LYN: variants seen among roughly 807,000 people sequenced by gnomAD.
The protein encoded by LYN is LYN proto-oncogene, Src family tyrosine kinase.
LYN carries 12 observed loss-of-function variants against 65.0 expected under a neutral mutation model. That is an observed-to-expected ratio of 0.18 (90% confidence interval 0.12 to 0.30). LYN has a LOEUF of 0.30. Among genes scored for constraint, LYN ranks in the 10% least tolerant of loss-of-function variants. LYN has a pLI of 1.00. For missense variants in LYN, 380 were observed against 623.2 expected (o/e 0.61, Z 4.16); for synonymous variants, 222 against 221.2 (o/e 1.00, Z -0.03).
chr8:55,880,053 A>G lies in LYN; in HGVS notation c.-56A>G. ...CCGCCCCGTCGCGCCCCCCACTCTG[A>G]ACTCAAGTCACCGTGGAGCTCCGCC... On this transcript the variant is annotated 5_prime_UTR_variant, in exon 1 of 13. Transcript: ENST00000519728. 1 of 316,282 alleles carries G rather than the reference A, an allele frequency of 3.2e-6. No homozygotes were observed. The highest frequency in any genetic ancestry group is 2.3e-5 in the South Asian group (1 of 44,434). 19.6% of individuals were successfully genotyped at this position (316,282 alleles called of 1,614,324 possible). A position where few individuals can be genotyped will look rare whatever the true frequency, so the allele number is the denominator to read the frequency against.
rs557993682 is a variant in LYN at position 55,925,622 on chromosome 8, C to T, written c.-5-16233C>T. 4.6e-5 allele frequency among the ~76,000 whole-genome samples: 7 copies of T among 152,148 alleles called. No homozygotes were observed. The East Asian group carries it at 9.6e-4, about 21-fold the overall frequency. ...TCCACCACAGCCATGCGGGGATGGGCGTTATTATTACCTTTTTCATGGGTG... is the reference window on the plus strand; with the variant it reads ...TCCACCACAGCCATGCGGGGATGGGTGTTATTATTACCTTTTTCATGGGTG... On this transcript the variant is annotated intron_variant, in intron 1 of 12. Coordinates refer to ENST00000519728, the MANE Select transcript of LYN (RefSeq NM_002350.4).
intron 10 of LYN, among the ~76,000 whole-genome samples, chr8:55,972,247 C>T (rs1268538929): frequency 6.6e-6 from 1 of 152,170 alleles, no homozygotes; most frequent in Non-Finnish European, 1.5e-5. Flanking sequence ...AATTCATTTT[C>T]CTTACAACTA....
chr8:55,959,683 G>A (rs944862567), intron 8 of LYN, among the ~76,000 whole-genome samples: 2 of 151,944 alleles, frequency 1.3e-5, no homozygotes, highest in Non-Finnish European at 2.9e-5. Flanking sequence ...ATATGTCCAC[G>A]CAAAAACCTG....
Position 56,010,416 on chromosome 8 carries a change from C to T in LYN, c.*306C>T. ...CATCTATTCTCTCCAAAAATGCACC[C>T]AACTAGCTCTATGTTTACAAATGGA... On this transcript the variant is annotated 3_prime_UTR_variant, in exon 13 of 13. Coordinates refer to ENST00000519728, the MANE Select transcript of LYN (RefSeq NM_002350.4). 2.6e-6 allele frequency: 1 copy of T among 389,944 alleles called. No homozygotes were observed. Among genetic ancestry groups the T allele is most frequent in the Non-Finnish European group, 4.8e-6 (1 of 209,236 alleles). The allele number at this position is 389,944 out of a possible 1,614,324, so 24.2% of individuals were successfully genotyped here.
chr8:55,977,568 G>T (rs1390228263), intron 10 of LYN, among the ~76,000 whole-genome samples: 1 of 152,002 alleles, frequency 6.6e-6, no homozygotes, highest in Non-Finnish European at 1.5e-5. Context: ...TTAAAACTGA[G>T]ACCAGGAAGG....
rs531159958 is a variant in LYN, at chr8:55,887,870, G to A, written c.-6+7767G>A. On this transcript the variant is annotated intron_variant, in intron 1 of 12. Coordinates refer to ENST00000519728, the MANE Select transcript of LYN (RefSeq NM_002350.4). ...AGTTATCCGGCTGCCTCAGCCTCCC[G>A]AAATCCGGGGATTACAGGCATAAGT... Among the ~76,000 whole-genome samples the A allele has an allele frequency of 1.1e-4, 17 of 152,052 alleles. No homozygotes were observed. The South Asian group carries it at 1.5e-3, about 13-fold the overall frequency.
At chr8:56,002,828 G>A (rs922099271) in intron 12 of LYN, among the ~76,000 whole-genome samples, 3 of 151,952 alleles carry the variant, frequency 2.0e-5, no homozygotes, top group Non-Finnish European at 4.4e-5. Flanking sequence ...TTTTAGTCAC[G>A]AGAGTTGTAT....
At chr8:55,919,335 C>T (rs1805878414) in intron 1 of LYN, among the ~76,000 whole-genome samples, 1 of 151,982 alleles carries the variant, frequency 6.6e-6, no homozygotes, top group African/African-American at 2.4e-5. Flanking sequence ...ATTTAGTGTT[C>T]GTACTTTAAG....
chr8:55,969,803 T>G lies in LYN; in HGVS notation c.1050+10T>G, dbSNP rs1438266864. On this transcript the variant is annotated intron_variant, in intron 10 of 12. Transcript: ENST00000519728. Reference sequence around the variant, plus strand: ...TGACTTTTCTGCTCAGGTAACATATTCAAAAAGCCCCGTGTGCACGTGCAT... The same window carrying G: ...TGACTTTTCTGCTCAGGTAACATATGCAAAAAGCCCCGTGTGCACGTGCAT... The G allele has an allele frequency of 1.9e-6, 3 of 1,613,338 alleles. No homozygotes were observed. Among genetic ancestry groups the G allele is most frequent in the Non-Finnish European group, 2.5e-6 (3 of 1,179,376 alleles).
Position 56,010,642 on chromosome 8 carries a change from C to T in LYN, c.*532C>T. On this transcript the variant is annotated 3_prime_UTR_variant, in exon 13 of 13. Transcript: ENST00000519728. The stretch of plus-strand genomic sequence containing the variant: ...AAGTCAGCAGCTTAAAAATGTCTTT[C>T]CCAGATTTCAATGATTTTTTTCCCC... The T allele has an allele frequency of 4.3e-6, 1 of 232,330 alleles. No individual in the cohort carries two copies. Among genetic ancestry groups the T allele is most frequent in the East Asian group, 6.2e-5 (1 of 16,074 alleles). 14.4% of individuals were successfully genotyped at this position (232,330 alleles called of 1,614,324 possible).
chr8:55,972,307 C>G (rs1318998383), intron 10 of LYN, among the ~76,000 whole-genome samples: 1 of 152,200 alleles, frequency 6.6e-6, no homozygotes, highest in African/African-American at 2.4e-5. Context: ...AAACCTCACT[C>G]AGACTCTTTC....
In LYN at chr8:56,010,767, C is replaced by T. The variant is rs753056410; in HGVS notation, c.*657C>T. ...AGGAGTGGCGTGCACATCTCTCTCTCTTCCAGCAGGAGGAGCCCGTGAGCA... is the reference window on the plus strand; with the variant it reads ...AGGAGTGGCGTGCACATCTCTCTCTTTTCCAGCAGGAGGAGCCCGTGAGCA... On this transcript the variant is annotated 3_prime_UTR_variant, in exon 13 of 13. Coordinates refer to ENST00000519728, the MANE Select transcript of LYN (RefSeq NM_002350.4). 249 of 230,598 alleles carry T rather than the reference C, an allele frequency of 1.1e-3. 4 individuals carry two copies. Among genetic ancestry groups the T allele is most frequent in the Non-Finnish European group, 1.2e-4 (14 of 116,550 alleles). 14.3% of individuals were successfully genotyped at this position (230,598 alleles called of 1,614,324 possible). A position where few individuals can be genotyped will look rare whatever the true frequency, so the allele number is the denominator to read the frequency against.
chr8:55,885,629 T>C (rs1804770042), intron 1 of LYN, among the ~76,000 whole-genome samples: 1 of 152,206 alleles, frequency 6.6e-6, no homozygotes, highest in African/African-American at 2.4e-5. Context: ...TGTTTGGGTC[T>C]CTGGGTGCCC....
rs1808801817 is a variant in LYN at position 56,011,019 on chromosome 8, A to AGTTT, written c.*910_*913dup. The AGTTT allele has an allele frequency of 4.3e-6, 1 of 232,540 alleles. No homozygotes were observed. Among genetic ancestry groups the AGTTT allele is most frequent in the Non-Finnish European group, 8.5e-6 (1 of 117,648 alleles). 14.4% of individuals were successfully genotyped at this position (232,540 alleles called of 1,614,324 possible). A position where few individuals can be genotyped will look rare whatever the true frequency, so the allele number is the denominator to read the frequency against. On this transcript the variant is annotated 3_prime_UTR_variant, in exon 13 of 13. Coordinates refer to ENST00000519728, the MANE Select transcript of LYN (RefSeq NM_002350.4). ...CTTATAGGGCCTTCTAAAACATAAG[A>AGTTT]GTTTCCTTTGTTGCTTCAAATATTT...
intron 1 of LYN, among the ~76,000 whole-genome samples, 184 bp downstream of exon 1, chr8:55,880,287 T>G (rs1219824483): frequency 6.7e-6 from 1 of 149,968 alleles, no homozygotes; most frequent in South Asian, 2.1e-4. Context: ...GGCTCTTAGA[T>G]GTCTTCAGCC....
intron 10 of LYN, among the ~76,000 whole-genome samples, chr8:55,988,291 G>GGT (rs57413136): frequency 0.16 from 22,791 of 142,044 alleles, 1,732 homozygotes; most frequent in African/African-American, 0.17. Flanking sequence ...CAAACTCCCT[G>GGT]GTGTGTGTGT....
At position 55,951,929 on chromosome 8, in the gene LYN, G is replaced by A. The variant is rs73682022; in HGVS notation, c.488-37G>A. On this transcript the variant is annotated intron_variant, in intron 6 of 12. Transcript: ENST00000519728. ...GTTGTATAATGCAGATCTTATTTGT[G>A]AGATATAAACATTTACTTACACTTT... 8,803 of 1,576,334 alleles carry A rather than the reference G, an allele frequency of 5.6e-3. 250 individuals carry two copies. The African/African-American group carries it at 0.08, about 14-fold the overall frequency.
chr8:55,951,462 T>G (rs1453770455), intron 6 of LYN, among the ~76,000 whole-genome samples: 1 of 150,682 alleles, frequency 6.6e-6, no homozygotes, highest in African/African-American at 2.4e-5. Flanking sequence ...CCCAGCAGTT[T>G]GATACCAGCC....
intron 1 of LYN, among the ~76,000 whole-genome samples, chr8:55,891,346 C>G (rs1804958199): frequency 6.7e-6 from 1 of 150,096 alleles, no homozygotes; most frequent in Admixed American, 6.6e-5. Flanking sequence ...GAGCGAAACT[C>G]CGGCTCAAAA....
Sources: allele counts gnomAD v4.1 joint callset (sites outside exome capture counted in the v4.1 genomes callset), GRCh38; gene constraint gnomAD v4.1.1; transcripts MANE v1.5; gene names NCBI Gene and HGNC (gene_info 2026-07-23, HGNC 2026-07-21).